Variants in DESI2 observed in about 807,000 individuals in gnomAD.
DESI2 encodes the protein desumoylating isopeptidase 2.
DESI2 carries 10 observed loss-of-function variants against 24.1 expected under a neutral mutation model. The observed-to-expected ratio is 0.41, with a 90% CI of 0.26 to 0.70. The LOEUF is 0.70. Ranked by LOEUF, DESI2 falls within the 30% of genes least tolerant of loss-of-function variation. The pLI is 0.29. For synonymous variants in DESI2, 71 were observed against 87.7 expected (o/e 0.81, Z 1.06); for missense variants, 122 against 234.9 (o/e 0.52, Z 3.14).
intron 1 of DESI2, among the ~76,000 whole-genome samples, chr1:244,684,607 A>C (rs1676750006): frequency 6.6e-6 from 1 of 152,140 alleles, no homozygotes. Flanking sequence ...TAAAAAAAAA[A>C]TCTCAGCTAA....
intron 1 of DESI2, among the ~76,000 whole-genome samples, chr1:244,664,875 A>T (rs550207999): frequency 6.6e-6 from 1 of 152,232 alleles, no homozygotes; most frequent in Non-Finnish European, 1.5e-5. Flanking sequence ...CCTTCCCTAG[A>T]TTTTTCCTTG....
intron 2 of DESI2, among the ~76,000 whole-genome samples, 190 bp downstream of exon 2, chr1:244,686,859 GA>G (rs1420188347): frequency 1.3e-5 from 2 of 152,108 alleles, no homozygotes; most frequent in South Asian, 2.1e-4. Context: ...TATTTGGGGA[GA>G]AAGTACTCAA....
chr1:244,699,222 T>G (rs1677342730), intron 4 of DESI2, among the ~76,000 whole-genome samples: 2 of 152,200 alleles, frequency 1.3e-5, no homozygotes, highest in Admixed American at 1.3e-4. Context: ...TTTTGAAATA[T>G]TTTGAAAATT....
At chr1:244,680,381 G>T (rs141357348) in intron 1 of DESI2, among the ~76,000 whole-genome samples, 2 of 151,596 alleles carry the variant, frequency 1.3e-5, no homozygotes, top group Admixed American at 1.3e-4. Context: ...AGTGAACCGA[G>T]ATCAGGCCAC....
In DESI2 at chr1:244,689,671, G is replaced by A. The variant is rs1334666701; in HGVS notation, c.209+329G>A. On this transcript the variant is annotated intron_variant, in intron 3 of 4. Coordinates refer to ENST00000302550, the MANE Select transcript of DESI2 (RefSeq NM_016076.5). The surrounding 1 kb of genome is among the most constrained non-coding windows in gnomAD (Gnocchi z 4.0). ...ATTACAGGCGTGCACCACGACGTCC[G>A]GCTAATTTTTGTATTTTTAGTAGAG... 3.9e-5 allele frequency among the ~76,000 whole-genome samples: 6 copies of A among 152,046 alleles called. No homozygotes were observed. The highest frequency in any genetic ancestry group is 7.2e-5 in the African/African-American group (3 of 41,462).
At chr1:244,692,555 G>A (rs1431372857) in intron 4 of DESI2, among the ~76,000 whole-genome samples, 1 of 152,126 alleles carries the variant, frequency 6.6e-6, no homozygotes, top group Non-Finnish European at 1.5e-5. Context: ...AGATTATAAA[G>A]TAAGGTCTAG....
At chr1:244,672,295 C>G (rs1321776707) in intron 1 of DESI2, among the ~76,000 whole-genome samples, 1 of 152,126 alleles carries the variant, frequency 6.6e-6, no homozygotes, top group African/African-American at 2.4e-5. Flanking sequence ...CATGGGAGAT[C>G]TGGTTGTTTA....
intron 2 of DESI2, among the ~76,000 whole-genome samples, chr1:244,687,547 T>C (rs1676866352): frequency 6.6e-6 from 1 of 152,242 alleles, no homozygotes; most frequent in Non-Finnish European, 1.5e-5. Context: ...GGGTTACCCC[T>C]GAACACTATA....
At position 244,708,010 on chromosome 1, in the gene DESI2, G is replaced by A. The variant is rs1677778715; in HGVS notation, c.*2221G>A. 1 of 152,164 alleles carries A rather than the reference G, an allele frequency of 6.6e-6. No individual in the cohort carries two copies. Among genetic ancestry groups the A allele is most frequent in the Non-Finnish European group, 1.5e-5 (1 of 68,034 alleles). 9.4% of individuals were successfully genotyped at this position (152,164 alleles called of 1,614,324 possible). A position where few individuals can be genotyped will look rare whatever the true frequency, so the allele number is the denominator to read the frequency against. On this transcript the variant is annotated 3_prime_UTR_variant, in exon 5 of 5. Coordinates refer to ENST00000302550, the MANE Select transcript of DESI2 (RefSeq NM_016076.5). ...TTATACCTGAGGTTGAGCAAGAAAT[G>A]TCTTCCTTTAGAAAATCTCATTCAA...
intron 1 of DESI2, among the ~76,000 whole-genome samples, chr1:244,674,064 G>A (rs59591157): frequency 8.0e-4 from 110 of 138,320 alleles, no homozygotes; most frequent in African/African-American, 2.7e-3. Context: ...GTGCGATCTC[G>A]GCTCATTACA....
At chr1:244,658,411 A>G (rs936503926) in intron 1 of DESI2, among the ~76,000 whole-genome samples, 2 of 152,026 alleles carry the variant, frequency 1.3e-5, no homozygotes, top group Non-Finnish European at 2.9e-5. Flanking sequence ...ATCACCTGCA[A>G]CCTCCTGCTT....
At chr1:244,658,277 C>T (rs985764971) in intron 1 of DESI2, among the ~76,000 whole-genome samples, 3 of 152,156 alleles carry the variant, frequency 2.0e-5, no homozygotes, top group Non-Finnish European at 4.4e-5. Flanking sequence ...CCATTTCCCT[C>T]TTCTATATAA....
chr1:244,693,946 C>G (rs372772618), intron 4 of DESI2, among the ~76,000 whole-genome samples: 1 of 152,184 alleles, frequency 6.6e-6, no homozygotes, highest in African/African-American at 2.4e-5. Context: ...ATGATAGATG[C>G]AACTCCCATA....
intron 1 of DESI2, chr1:244,653,862 T>C: frequency 2.2e-6 from 1 of 458,462 alleles, no homozygotes; most frequent in Non-Finnish European, 4.5e-6. Context: ...TGTGCTAGAA[T>C]CTCTTCAAAG....
At chr1:244,674,762 T>C (rs1325462310) in intron 1 of DESI2, among the ~76,000 whole-genome samples, 1 of 152,244 alleles carries the variant, frequency 6.6e-6, no homozygotes, top group Non-Finnish European at 1.5e-5. Context: ...CAGTAATCAG[T>C]TGATAAACAT....
intron 4 of DESI2, among the ~76,000 whole-genome samples, chr1:244,701,232 C>CT (rs1558669851): frequency 1.4e-5 from 1 of 73,112 alleles, no homozygotes. Flanking sequence ...CCCCCCCCCC[C>CT]CCGCCCTTTT....
At chr1:244,696,556 G>T (rs561465926) in intron 4 of DESI2, among the ~76,000 whole-genome samples, 1 of 152,190 alleles carries the variant, frequency 6.6e-6, no homozygotes, top group Non-Finnish European at 1.5e-5. Context: ...GGAGGCAGAG[G>T]TTGCAGTGAA....
At chr1:244,676,270 G>T (rs983031402) in intron 1 of DESI2, among the ~76,000 whole-genome samples, 166 of 152,064 alleles carry the variant, frequency 1.1e-3, no homozygotes, top group African/African-American at 3.8e-3. Flanking sequence ...TAGAGACAGG[G>T]TTTCACCGTG....
chr1:244,694,415 T>C (rs995367801), intron 4 of DESI2: 27 of 712,770 alleles, frequency 3.8e-5, no homozygotes, highest in Non-Finnish European at 6.0e-5. Flanking sequence ...ATTGCATTAC[T>C]CATCGTTGAA....
Sources: gnomAD v4.1 joint callset for allele counts (sites outside exome capture counted in the v4.1 genomes callset) on GRCh38, gnomAD v4.1.1 for gene constraint, Gnocchi (gnomAD v3.1) non-coding constraint, MANE v1.5 for transcripts, NCBI Gene and HGNC (gene_info 2026-07-23, HGNC 2026-07-21) for gene names.